ZFHX3: variants seen among roughly 807,000 people sequenced by gnomAD.
ZFHX3 encodes the protein zinc finger homeobox protein 3.
Under a neutral mutation model 279.1 loss-of-function variants are expected in ZFHX3, and 42 were observed. The ratio of observed to expected loss-of-function variants is 0.15; its 90% confidence interval spans 0.12 to 0.19. The LOEUF (loss-of-function observed/expected upper bound fraction) is 0.19. Among genes scored for constraint, ZFHX3 ranks in the 10% least tolerant of loss-of-function variants. ZFHX3 has a pLI of 1.00. For missense variants in ZFHX3, 4,981 were observed against 4,754.0 expected, an observed-to-expected ratio of 1.05 and a Z score of -1.40; for synonymous variants, 2,293 against 1,957.8, an observed-to-expected ratio of 1.17 and a Z score of -4.52.
At position 72,795,563 on chromosome 16, in the gene ZFHX3, TTCCATGGCA is replaced by T. The variant is rs746065760; in HGVS notation, c.7110_7118del (p.Asp2370_Met2372del). The T allele has an allele frequency of 6.8e-6, 11 of 1,613,992 alleles. No homozygotes were observed. The highest frequency in any genetic ancestry group is 1.3e-5 in the African/African-American group (1 of 74,904). On this transcript the variant is annotated inframe_deletion, in exon 9 of 10. Transcript: ENST00000268489. The stretch of plus-strand genomic sequence containing the variant: ...AGGATGAGCTGGTAGGCGTCAGGAT[TTCCATGGCA>T]TCCATGGAATCCTCATTTTGGCTGT...
At chr16:73,783,648 C>T (rs1445527552) in intron 1 of ZFHX3, among the ~76,000 whole-genome samples, 1 of 152,200 alleles carries the variant, frequency 6.6e-6, no homozygotes, top group Non-Finnish European at 1.5e-5. Context: ...TGTTAGTCAA[C>T]TGTAAATCAG....
intron 3 of ZFHX3, among the ~76,000 whole-genome samples, chr16:73,359,091 C>T (rs535670500): frequency 6.6e-6 from 1 of 151,944 alleles, no homozygotes; most frequent in Non-Finnish European, 1.5e-5. Context: ...AGGGAGACGC[C>T]ACAGCTCATA....
At chr16:73,467,148 T>C (rs1169732642) in intron 2 of ZFHX3, among the ~76,000 whole-genome samples, 1 of 152,080 alleles carries the variant, frequency 6.6e-6, no homozygotes, top group African/African-American at 2.4e-5. Context: ...TCTCAAGAAG[T>C]CATAAAAATG....
chr16:73,153,794 C>T lies in ZFHX3; in HGVS notation c.-1103-9963G>A, dbSNP rs549492526. ...CCTCCTGAGTAGCTGGGACTAAAGGCGCACACCACTACACCCAGCTAATTT... is the reference window on the plus strand; with the variant it reads ...CCTCCTGAGTAGCTGGGACTAAAGGTGCACACCACTACACCCAGCTAATTT... On this transcript the variant is annotated intron_variant, in intron 5 of 17. Transcript: ENST00000641206. Among the ~76,000 whole-genome samples, 14 of 152,088 alleles carry T rather than the reference C, an allele frequency of 9.2e-5. No homozygotes were observed. The South Asian group carries it at 2.1e-3, about 23-fold the overall frequency.
intron 7 of ZFHX3, among the ~76,000 whole-genome samples, chr16:73,117,006 G>A (rs1243613089): frequency 6.6e-6 from 1 of 152,180 alleles, no homozygotes; most frequent in Non-Finnish European, 1.5e-5. Context: ...ATAAGAATCT[G>A]CCTACCCAAG....
intron 1 of ZFHX3, among the ~76,000 whole-genome samples, chr16:73,699,508 A>G (rs2053227976): frequency 6.6e-6 from 1 of 152,186 alleles, no homozygotes; most frequent in South Asian, 2.1e-4. Context: ...GTTTTTTGTT[A>G]CACGACTTTA....
At chr16:72,997,601 T>TC (rs1963343969) in intron 1 of ZFHX3, among the ~76,000 whole-genome samples, 1 of 151,978 alleles carries the variant, frequency 6.6e-6, no homozygotes, top group Admixed American at 6.6e-5. Flanking sequence ...ACAGATCATC[T>TC]CCCCCCAGAC....
rs1966833093 is a variant in ZFHX3 at position 73,138,624 on chromosome 16, C to T, written c.-1024+5128G>A. 1.3e-5 allele frequency among the ~76,000 whole-genome samples: 2 copies of T among 152,282 alleles called. 1 individual carries two copies. The highest frequency in any genetic ancestry group is 4.8e-5 in the African/African-American group (2 of 41,562). Reference sequence around the variant, plus strand: ...AGTGGATGTCTTCCTGCAGTTGTTACAGGTCACTAGGGTTGATGGGACTCT... The same window carrying T: ...AGTGGATGTCTTCCTGCAGTTGTTATAGGTCACTAGGGTTGATGGGACTCT... On this transcript the variant is annotated intron_variant, in intron 6 of 17. Transcript: ENST00000641206.
chr16:73,873,160 G>A (rs1202298187), intron 1 of ZFHX3, among the ~76,000 whole-genome samples: 1 of 80,128 alleles, frequency 1.2e-5, no homozygotes, highest in African/African-American at 5.6e-5. Flanking sequence ...GGTGGGTGGT[G>A]GGTGGTGGTG....
chr16:73,187,712 G>A (rs1967945004), intron 5 of ZFHX3, among the ~76,000 whole-genome samples: 1 of 152,210 alleles, frequency 6.6e-6, no homozygotes, highest in Admixed American at 6.5e-5. Flanking sequence ...CCCTCTTTGG[G>A]TGATCCTGGC....
intron 3 of ZFHX3, among the ~76,000 whole-genome samples, chr16:73,368,115 C>G: frequency 6.6e-6 from 1 of 152,318 alleles, no homozygotes; most frequent in African/African-American, 2.4e-5. Flanking sequence ...AAGTGATCCA[C>G]CCGCCTTGGC....
At chr16:73,514,025 G>C (rs1262670291) in intron 2 of ZFHX3, among the ~76,000 whole-genome samples, 2 of 152,174 alleles carry the variant, frequency 1.3e-5, no homozygotes, top group African/African-American at 2.4e-5. Flanking sequence ...AAGGCAGTCA[G>C]ATCCCAATGT....
chr16:73,197,357 G>A (rs1198800339), intron 5 of ZFHX3, among the ~76,000 whole-genome samples: 1 of 152,218 alleles, frequency 6.6e-6, no homozygotes, highest in African/African-American at 2.4e-5. Flanking sequence ...GATTTACTAT[G>A]AGCACATGAA....
At chr16:73,725,543 G>GAGTA (rs199928982) in intron 1 of ZFHX3, among the ~76,000 whole-genome samples, 1 of 127,506 alleles carries the variant, frequency 7.8e-6, no homozygotes, top group Non-Finnish European at 1.7e-5. Flanking sequence ...GTGAGTGAGT[G>GAGTA]TGTGTGTGTG....
chr16:73,048,564 G>C (rs1422462985), upstream of ZFHX3, among the ~76,000 whole-genome samples: 1 of 152,206 alleles, frequency 6.6e-6, no homozygotes, highest in Non-Finnish European at 1.5e-5. Context: ...AAAGGTCAGG[G>C]GCCGGCCTAG....
At chr16:73,134,241 GC>G (rs908053714) in intron 6 of ZFHX3, among the ~76,000 whole-genome samples, 2 of 150,682 alleles carry the variant, frequency 1.3e-5, no homozygotes, top group African/African-American at 4.9e-5. Context: ...GACCTCAATG[GC>G]CCCTAGCAGG....
At chr16:72,830,642 G>A (rs1411723460) in intron 4 of ZFHX3, among the ~76,000 whole-genome samples, 5 of 152,202 alleles carry the variant, frequency 3.3e-5, no homozygotes, top group African/African-American at 9.7e-5. Flanking sequence ...AATGACGGCT[G>A]CCAACGCTAG....
chr16:72,965,711 C>T (rs758322151), intron 1 of ZFHX3, among the ~76,000 whole-genome samples: 17 of 151,430 alleles, frequency 1.1e-4, no homozygotes, highest in Non-Finnish European at 2.1e-4. Flanking sequence ...GTGTGTGCAT[C>T]GTTTTGGAGA....
chr16:73,381,986 A>G (rs1320060141), intron 3 of ZFHX3, among the ~76,000 whole-genome samples: 1 of 152,240 alleles, frequency 6.6e-6, no homozygotes, highest in Non-Finnish European at 1.5e-5. Flanking sequence ...AGAGCTAGAC[A>G]ATACATAAAT....
Sources: allele counts gnomAD v4.1 joint callset (sites outside exome capture counted in the v4.1 genomes callset), GRCh38; gene constraint gnomAD v4.1.1; transcripts MANE v1.5; gene names NCBI Gene and HGNC (gene_info 2026-07-23, HGNC 2026-07-21).